Variants in CCDC88A observed in about 807,000 individuals in gnomAD.
The protein encoded by CCDC88A is coiled-coil and HOOK domain protein 88A.
A neutral mutation model predicts 234.3 loss-of-function variants in CCDC88A; 54 were observed. The ratio of observed to expected loss-of-function variants is 0.23; its 90% confidence interval spans 0.19 to 0.29. The LOEUF (loss-of-function observed/expected upper bound fraction) is 0.29, where lower values mean the gene tolerates loss of function less well. Among genes scored for constraint, CCDC88A ranks in the 10% least tolerant of loss-of-function variants. CCDC88A has a pLI of 1.00. For synonymous variants in CCDC88A, 753 were observed against 737.8 expected, an observed-to-expected ratio of 1.02 and a Z score of -0.33; for missense variants, 1,832 against 2,123.4, an observed-to-expected ratio of 0.86 and a Z score of 2.70.
chr2:55,389,640 T>C (rs1421244134), intron 2 of CCDC88A, among the ~76,000 whole-genome samples: 1 of 152,226 alleles, frequency 6.6e-6, no homozygotes, highest in African/African-American at 2.4e-5. Flanking sequence ...TTTATTTCCA[T>C]AATTCTCAAA....
At chr2:55,418,126 A>G (rs1266595104) in intron 2 of CCDC88A, 3 of 152,220 alleles carry the variant, frequency 2.0e-5, no homozygotes, top group Non-Finnish European at 4.4e-5. Context: ...TACAAACCCA[A>G]TATTATAAAC....
intron 3 of CCDC88A, among the ~76,000 whole-genome samples, chr2:55,385,626 G>A (rs1324536003): frequency 1.3e-5 from 2 of 152,126 alleles, no homozygotes; most frequent in African/African-American, 4.8e-5. Context: ...GCTGAGGCGC[G>A]TGGATCATCT....
intron 31 of CCDC88A, chr2:55,294,649 G>A (rs1679811595): frequency 2.0e-6 from 2 of 989,360 alleles, no homozygotes; most frequent in Non-Finnish European, 2.4e-6. Flanking sequence ...TGAGGGGTGG[G>A]AAGAGGAGGA....
chr2:55,336,783 C>T lies in CCDC88A; in HGVS notation c.1554G>A (p.Lys518=), dbSNP rs1424247755. The change falls in exon 14 of 33, where the codon AAG becomes AAA. Residue 518 remains lysine (K), a synonymous_variant. Transcript: ENST00000436346. ...AATTCTGACAATTCTGAAGACTTTGCTTTTCTTGAACAATCTCATTTTCAA... is the reference window on the plus strand; with the variant it reads ...AATTCTGACAATTCTGAAGACTTTGTTTTTCTTGAACAATCTCATTTTCAA... ...EILENEIVQE[K]QSLQNCQNLS... is the part of the protein sequence containing the mutation. 1 of 1,580,248 alleles carries T rather than the reference C, an allele frequency of 6.3e-7. No individual in the cohort carries two copies. The highest frequency in any genetic ancestry group is 1.7e-5 in the Admixed American group (1 of 57,808).
chr2:55,417,457 T>C (rs945379040), intron 2 of CCDC88A: 4 of 152,168 alleles, frequency 2.6e-5, no homozygotes, highest in South Asian at 4.1e-4. Flanking sequence ...AATAGTCAGA[T>C]ATTTTGAGGA....
In CCDC88A at chr2:55,296,345, A is replaced by C. The variant is rs1218819295; in HGVS notation, c.5004T>G (p.His1668Gln). The change falls in exon 30 of 33, where the codon CAT becomes CAG. Residue 1668 changes from histidine to glutamine, a missense_variant. His to Gln is a conservative substitution (Grantham distance 24). Around this residue, in one of 6 missense-constraint regions of CCDC88A, gnomAD observed 422 missense variants for 416.5 expected, o/e 1.01. Coordinates refer to ENST00000436346, the MANE Select transcript of CCDC88A (RefSeq NM_001365480.1). ...HKISETLESRHHKIKTGSPGS... is the reference protein window; with the variant it reads ...HKISETLESRQHKIKTGSPGS... ...CAGGGGAACCAGTTTTGATCTTGTG[A>C]TGTCGACTCTCCAGTGTTTCAGATA... The C allele has an allele frequency of 3.7e-6, 6 of 1,614,060 alleles. No homozygotes were observed. Among genetic ancestry groups the C allele is most frequent in the Non-Finnish European group, 5.1e-6 (6 of 1,180,032 alleles).
chr2:55,374,709 G>T, intron 4 of CCDC88A, 105 bp downstream of exon 4: 1 of 613,648 alleles, frequency 1.6e-6, no homozygotes, highest in Non-Finnish European at 2.9e-6. Flanking sequence ...CTACAGTTGT[G>T]AAAAATCTAG....
intron 3 of CCDC88A, among the ~76,000 whole-genome samples, chr2:55,382,092 GT>G (rs937737610): frequency 2.6e-5 from 4 of 152,122 alleles, no homozygotes; most frequent in Non-Finnish European, 5.9e-5. Flanking sequence ...CCTGACCAGT[GT>G]CAAAAATATG....
At chr2:55,297,340 T>A (rs1268561363) in intron 29 of CCDC88A, among the ~76,000 whole-genome samples, 1 of 36,862 alleles carries the variant, frequency 2.7e-5, no homozygotes, top group Non-Finnish European at 4.8e-5. Flanking sequence ...ATATATAAAT[T>A]TATATATTAT....
intron 2 of CCDC88A, among the ~76,000 whole-genome samples, chr2:55,400,672 T>A (rs1331785422): frequency 1.3e-5 from 2 of 152,248 alleles, no homozygotes; most frequent in Non-Finnish European, 2.9e-5. Flanking sequence ...AAGGATTATA[T>A]CTTTACTTAT....
At position 55,317,190 on chromosome 2, in the gene CCDC88A, AAT is replaced by A. The variant is rs371507927; in HGVS notation, c.3746+14_3746+15del. On this transcript the variant is annotated intron_variant, in intron 21 of 32. Transcript: ENST00000436346. This position sits in a 1 kb window ranked among gnomAD's most constrained non-coding sequence, Gnocchi z 4.2. ...TCTATATAAAATGTTTGTTATATAT[AAT>A]ATATATTTATTACCTATCATTTTCA... is the stretch of plus-strand genomic sequence containing the variant. The A allele has an allele frequency of 9.7e-6, 11 of 1,130,024 alleles. No homozygotes were observed. The African/African-American group carries it at 1.3e-4, about 13-fold the overall frequency. 70.0% of individuals were successfully genotyped at this position (1,130,024 alleles called of 1,614,324 possible). A position where few individuals can be genotyped will look rare whatever the true frequency, so the allele number is the denominator to read the frequency against.
chr2:55,354,949 A>G (rs1349912374), intron 8 of CCDC88A, among the ~76,000 whole-genome samples: 2 of 149,902 alleles, frequency 1.3e-5, no homozygotes, highest in Non-Finnish European at 3.0e-5. Flanking sequence ...GCACTAGCCT[A>G]TGCCTACACA....
chr2:55,415,586 A>G (rs538090863), intron 2 of CCDC88A, among the ~76,000 whole-genome samples: 5 of 152,282 alleles, frequency 3.3e-5, no homozygotes, highest in Admixed American at 6.5e-5. Flanking sequence ...GAGGGGACAG[A>G]ACTGAGTCTG....
chr2:55,396,655 G>A (rs953322488), intron 2 of CCDC88A, among the ~76,000 whole-genome samples: 1 of 152,102 alleles, frequency 6.6e-6, no homozygotes, highest in African/African-American at 2.4e-5. Context: ...CAGATCACGA[G>A]GTCTGGAGAT....
chr2:55,327,855 T>C (rs1684458632), intron 17 of CCDC88A, among the ~76,000 whole-genome samples: 1 of 152,228 alleles, frequency 6.6e-6, no homozygotes, highest in South Asian at 2.1e-4. Flanking sequence ...AGAAAAGACA[T>C]CAAATTTATG....
intron 32 of CCDC88A, 147 bp downstream of exon 32, chr2:55,291,529 G>C (rs961651478): frequency 4.9e-6 from 2 of 406,488 alleles, no homozygotes; most frequent in African/African-American, 4.1e-5. Flanking sequence ...AACTAATCTT[G>C]CTTCACTAGT....
chr2:55,410,653 G>A (rs768793630), intron 2 of CCDC88A, among the ~76,000 whole-genome samples: 4 of 152,154 alleles, frequency 2.6e-5, no homozygotes, highest in Non-Finnish European at 5.9e-5. Context: ...GGGAGGCTGA[G>A]GTGGTGGATA....
chr2:55,298,856 A>G (rs1242462776), intron 29 of CCDC88A, among the ~76,000 whole-genome samples: 3 of 144,880 alleles, frequency 2.1e-5, no homozygotes, highest in Non-Finnish European at 4.5e-5. Context: ...CCTGGGTGAC[A>G]CAGCGAGAAC....
At chr2:55,409,499 T>C (rs759567343) in intron 2 of CCDC88A, among the ~76,000 whole-genome samples, 6 of 152,208 alleles carry the variant, frequency 3.9e-5, no homozygotes, top group Non-Finnish European at 5.9e-5. Context: ...CTCCCCCTTA[T>C]TGTGGGCAAA....
Sources: gnomAD v4.1 joint callset for allele counts (sites outside exome capture counted in the v4.1 genomes callset) on GRCh38, gnomAD v4.1.1 for gene constraint, gnomAD v4.1.1 regional missense constraint, Gnocchi (gnomAD v3.1) non-coding constraint, MANE v1.5 for transcripts, NCBI Gene and HGNC (gene_info 2026-07-23, HGNC 2026-07-21) for gene names.